Variants in DUSP16 observed in about 807,000 individuals in gnomAD.
The protein encoded by DUSP16 is dual specificity phosphatase 16.
DUSP16 carries 21 observed loss-of-function variants against 58.3 expected under a neutral mutation model. The ratio of observed to expected loss-of-function variants is 0.36; its 90% confidence interval spans 0.26 to 0.52. The LOEUF (loss-of-function observed/expected upper bound fraction) is 0.52. Among genes scored for constraint, DUSP16 ranks in the 20% least tolerant of loss-of-function variants. The pLI is 0.94. For missense variants in DUSP16, 726 were observed against 819.0 expected (o/e 0.89, Z 1.39); for synonymous variants, 320 against 323.8 (o/e 0.99, Z 0.12).
intron 6 of DUSP16, among the ~76,000 whole-genome samples, chr12:12,478,549 T>C (rs1277863971): frequency 6.6e-6 from 1 of 152,188 alleles, no homozygotes; most frequent in African/African-American, 2.4e-5. Context: ...TTGCCCAGGC[T>C]GGTCTTGAAC....
Position 12,477,853 on chromosome 12 carries a change from G to C in DUSP16, c.978C>G (p.Val326=), listed in dbSNP as rs760772589. The change falls in exon 7 of 7, where the codon GTC becomes GTG. Residue 326 remains valine (V), a synonymous_variant. Transcript: ENST00000298573. The surrounding 1 kb of genome is among the most constrained non-coding windows in gnomAD (Gnocchi z 4.1). The part of the protein sequence containing the change: ...LEKPNEPVPA[V]SEGGQKSETP... The stretch of plus-strand genomic sequence containing the variant: ...TCTCGCTTTTCTGTCCACCCTCTGA[G>C]ACAGCAGGGACAGGTTCATTTGGCT... 1.9e-6 allele frequency: 3 copies of C among 1,614,130 alleles called. No homozygotes were observed. Among genetic ancestry groups the C allele is most frequent in the Admixed American group, 3.3e-5 (2 of 60,014 alleles).
rs576423215 is a variant in DUSP16 at position 12,515,176 on chromosome 12, G to T, written c.367+4686C>A. On this transcript the variant is annotated intron_variant, in intron 3 of 6. Transcript: ENST00000298573. The stretch of plus-strand genomic sequence containing the variant: ...AAGCTTTCCTGAAATATTCTCAATA[G>T]AATTAGATTCTTTTCAAATTATGAG... Among the ~76,000 whole-genome samples, 3 of 151,694 alleles carry T rather than the reference G, an allele frequency of 2.0e-5. No individual in the cohort carries two copies. The South Asian group carries it at 6.3e-4, about 32-fold the overall frequency.
chr12:12,482,244 G>A (rs1592163798), intron 5 of DUSP16, among the ~76,000 whole-genome samples: 1 of 152,098 alleles, frequency 6.6e-6, no homozygotes, highest in Non-Finnish European at 1.5e-5. Context: ...GCATCCAGCT[G>A]ATACTGGCTG....
chr12:12,539,904 A>C (rs562338482), intron 1 of DUSP16, among the ~76,000 whole-genome samples: 1 of 151,966 alleles, frequency 6.6e-6, no homozygotes, highest in African/African-American at 2.4e-5. Context: ...ATACGAAAAA[A>C]TTAGCCGGGC....
chr12:12,514,886 T>A (rs1288364665), intron 3 of DUSP16, among the ~76,000 whole-genome samples: 1 of 152,176 alleles, frequency 6.6e-6, no homozygotes, highest in Non-Finnish European at 1.5e-5. Flanking sequence ...CTCAAACTCC[T>A]GAGCTCAAGT....
intron 1 of DUSP16, among the ~76,000 whole-genome samples, chr12:12,525,761 C>CACACACACACA (rs931575352): frequency 7.5e-5 from 11 of 147,174 alleles, no homozygotes; most frequent in African/African-American, 2.7e-4. Flanking sequence ...CACACACACA[C>CACACACACACA]AATTTTCCCC....
intron 3 of DUSP16, among the ~76,000 whole-genome samples, chr12:12,515,664 G>C (rs1481296801): frequency 6.6e-6 from 1 of 151,756 alleles, no homozygotes; most frequent in Non-Finnish European, 1.5e-5. Context: ...AAGGGGGGTT[G>C]TGGGGAAGAT....
chr12:12,521,371 T>A lies in DUSP16; in HGVS notation c.-273A>T. On this transcript the variant is annotated 5_prime_UTR_variant, in exon 2 of 7. Transcript: ENST00000298573. The stretch of plus-strand genomic sequence containing the variant: ...ATAAAGAGATGACTGGAATAACCAT[T>A]CCACAACAAAAGATGCTTTGGAGCA... 2.0e-5 allele frequency: 26 copies of A among 1,324,286 alleles called. No homozygotes were observed. The highest frequency in any genetic ancestry group is 2.1e-5 in the Non-Finnish European group (22 of 1,033,288). The allele number at this position is 1,324,286 out of a possible 1,614,324, so 82.0% of individuals were successfully genotyped here.
chr12:12,502,688 A>G (rs925406042), intron 3 of DUSP16, among the ~76,000 whole-genome samples: 2 of 151,504 alleles, frequency 1.3e-5, no homozygotes, highest in Admixed American at 6.6e-5. Context: ...AGTAGCTGGG[A>G]CTACAGGTAT....
intron 3 of DUSP16, among the ~76,000 whole-genome samples, chr12:12,517,412 T>C (rs1944169707): frequency 6.6e-6 from 1 of 152,212 alleles, no homozygotes; most frequent in Admixed American, 6.5e-5. Context: ...TTTTCAGTTA[T>C]TTCTCCCCAA....
At chr12:12,525,512 C>G (rs1481215190) in intron 1 of DUSP16, among the ~76,000 whole-genome samples, 4 of 152,040 alleles carry the variant, frequency 2.6e-5, no homozygotes. Context: ...AATCCACCTG[C>G]CTTGGCCTCC....
At chr12:12,486,146 A>T (rs1489591594) in intron 5 of DUSP16, among the ~76,000 whole-genome samples, 1 of 152,104 alleles carries the variant, frequency 6.6e-6, no homozygotes, top group Non-Finnish European at 1.5e-5. Flanking sequence ...TGGTAATGGT[A>T]ACCAATTCAG....
At chr12:12,512,378 T>G (rs975873828) in intron 3 of DUSP16, among the ~76,000 whole-genome samples, 1 of 152,178 alleles carries the variant, frequency 6.6e-6, no homozygotes, top group Non-Finnish European at 1.5e-5. Flanking sequence ...TTGAAGTATA[T>G]GGTACGTTTA....
chr12:12,515,934 C>T (rs1944144825), intron 3 of DUSP16, among the ~76,000 whole-genome samples: 1 of 151,764 alleles, frequency 6.6e-6, no homozygotes, highest in South Asian at 2.1e-4. Flanking sequence ...TGCCACCATG[C>T]CCGGCTAATT....
intron 3 of DUSP16, 123 bp from the exon 4 acceptor site, chr12:12,500,805 T>G: frequency 1.2e-6 from 1 of 854,078 alleles, no homozygotes; most frequent in Non-Finnish European, 1.7e-6. Flanking sequence ...GCACACCTAT[T>G]CCTGGCTACA....
chr12:12,477,355 A>G lies in DUSP16; in HGVS notation c.1476T>C (p.Ser492=), dbSNP rs1175387292. ...ATAAAAGGGACCTCTGGGCGGTGCC[A>G]CTGCTGCTGGTTCTGACCGAATGCA... ...KRLHSVRTSS[S]GTAQRSLLSP... is the part of the protein sequence containing the mutation. Residue 492 remains serine (S), a synonymous_variant, in exon 7 of 7, where the codon AGT becomes AGC. Coordinates refer to ENST00000298573, the MANE Select transcript of DUSP16 (RefSeq NM_030640.3). This position sits in a 1 kb window ranked among gnomAD's most constrained non-coding sequence, Gnocchi z 4.1. 6.2e-7 allele frequency: 1 copy of G among 1,614,188 alleles called. No homozygotes were observed. Among genetic ancestry groups the G allele is most frequent in the Admixed American group, 1.7e-5 (1 of 60,030 alleles).
At position 12,525,427 on chromosome 12, in the gene DUSP16, C is replaced by A. The variant is rs557044780; in HGVS notation, c.-365-3964G>T. Among the ~76,000 whole-genome samples the A allele has an allele frequency of 6.2e-4, 94 of 151,968 alleles. 1 individual carries two copies. The highest frequency in any genetic ancestry group is 2.3e-3 in the African/African-American group (94 of 41,450). On this transcript the variant is annotated intron_variant, in intron 1 of 6. Coordinates refer to ENST00000298573, the MANE Select transcript of DUSP16 (RefSeq NM_030640.3). The stretch of plus-strand genomic sequence containing the variant: ...GGGATTACAGGCATGCGCCACCACA[C>A]CCGGCTAATTTTGTATTTCTAGTAG...
chr12:12,543,301 T>C (rs1474746203), intron 1 of DUSP16, among the ~76,000 whole-genome samples: 1 of 152,164 alleles, frequency 6.6e-6, no homozygotes, highest in Non-Finnish European at 1.5e-5. Flanking sequence ...GCTGATGTGC[T>C]TGAGGATAGT....
chr12:12,486,875 C>T (rs4763833), intron 5 of DUSP16, among the ~76,000 whole-genome samples, 153 bp downstream of exon 5: 77,431 of 151,994 alleles, frequency 0.51, 20,027 homozygotes, highest in East Asian at 0.7. Flanking sequence ...CCTTGACCAC[C>T]AGATGAGTAA....
Sources: allele counts gnomAD v4.1 joint callset (sites outside exome capture counted in the v4.1 genomes callset), GRCh38; gene constraint gnomAD v4.1.1; non-coding constraint Gnocchi (gnomAD v3.1); transcripts MANE v1.5; gene names NCBI Gene and HGNC (gene_info 2026-07-23, HGNC 2026-07-21).